C2CD3: variants seen among roughly 807,000 people sequenced by gnomAD.
C2CD3 encodes C2 domain containing 3 centriole elongation regulator.
In C2CD3, 148 loss-of-function variants were observed where a neutral mutation model predicts 234.0. That is an observed-to-expected ratio of 0.63 (90% CI 0.55 to 0.72). The LOEUF (loss-of-function observed/expected upper bound fraction) is 0.72, where lower values mean the gene tolerates loss of function less well. Among genes scored for constraint, C2CD3 ranks in the 30% least tolerant of loss-of-function variants. The pLI, the probability that C2CD3 is intolerant of heterozygous loss-of-function variation, is 0.00. For missense variants in C2CD3, 2,577 were observed against 2,811.5 expected, an observed-to-expected ratio of 0.92 and a Z score of 1.89; for synonymous variants, 1,000 against 1,035.4, an observed-to-expected ratio of 0.97 and a Z score of 0.66.
intron 24 of C2CD3, chr11:74,070,609 G>C (rs956822590): frequency 6.6e-6 from 1 of 151,986 alleles, no homozygotes; most frequent in Non-Finnish European, 1.5e-5. Flanking sequence ...TGCTGCTTTC[G>C]GTATTCTCCA....
Position 74,138,933 on chromosome 11 carries a change from C to T in C2CD3, c.742G>A (p.Asp248Asn). 6.2e-7 allele frequency: 1 copy of T among 1,611,454 alleles called. No individual in the cohort carries two copies. Among genetic ancestry groups the T allele is most frequent in the East Asian group, 2.2e-5 (1 of 44,872 alleles). ...KDHVCFAENP[D>N]TIKDSSFGLQ... ...CCAAAGGAAGAATCCTTTATTGTAT[C>T]AGGGTTCTCTGCAAAGCATACATGG... is the stretch of plus-strand genomic sequence containing the variant. Residue 248 changes from aspartate to asparagine, a missense_variant, in exon 5 of 33, where the codon GAT (aspartate) becomes AAT (asparagine). Physicochemically the swap from Asp to Asn is conservative, Grantham distance 23. Transcript: ENST00000334126.
intron 24 of C2CD3, among the ~76,000 whole-genome samples, chr11:74,069,570 G>T (rs886250825): frequency 1.1e-4 from 17 of 152,144 alleles, no homozygotes; most frequent in African/African-American, 4.1e-4. Flanking sequence ...TCTGAAAATC[G>T]CATAAGATAG....
chr11:74,058,169 T>A (rs1285767258), intron 24 of C2CD3, among the ~76,000 whole-genome samples: 1 of 152,194 alleles, frequency 6.6e-6, no homozygotes, highest in Non-Finnish European at 1.5e-5. Flanking sequence ...TGACCAAATA[T>A]TGGCTCTGCC....
intron 24 of C2CD3, among the ~76,000 whole-genome samples, chr11:74,070,116 T>C (rs1954727963): frequency 6.6e-6 from 1 of 152,214 alleles, no homozygotes; most frequent in South Asian, 2.1e-4. Flanking sequence ...CTGTTCCTTA[T>C]TTGTCTCATT....
intron 32 of C2CD3, among the ~76,000 whole-genome samples, chr11:74,015,593 T>C (rs1046067727): frequency 8.5e-5 from 13 of 152,212 alleles, no homozygotes; most frequent in Admixed American, 8.5e-4. Context: ...GGGAGATGTT[T>C]GTTTTATGAG....
Position 74,033,434 on chromosome 11 carries a change from C to T in C2CD3, c.6726G>A (p.Lys2242=). 1.3e-6 allele frequency: 2 copies of T among 1,536,164 alleles called. No individual in the cohort carries two copies. The highest frequency in any genetic ancestry group is 2.0e-5 in the Admixed American group (1 of 50,996). The change falls in exon 31 of 33, where the codon AAG becomes AAA. Residue 2242 remains lysine, a synonymous_variant. Coordinates refer to ENST00000334126, the MANE Select transcript of C2CD3 (RefSeq NM_001286577.2). The stretch of plus-strand genomic sequence containing the variant: ...TGTCAGAGGAGTCGATGGGTGGTCC[C>T]TTATGGTTTTCCCTTCTGCTCTGGG... ...LASQSRRENH[K]GPPIDSSDIR... is the part of the protein sequence containing the mutation.
intron 24 of C2CD3, among the ~76,000 whole-genome samples, chr11:74,064,677 C>T (rs533246441): frequency 1.3e-5 from 2 of 152,316 alleles, no homozygotes; most frequent in African/African-American, 4.8e-5. Flanking sequence ...AATTATACTA[C>T]AAGGCTGCAG....
At chr11:74,044,802 G>A (rs1953277301) in intron 28 of C2CD3, among the ~76,000 whole-genome samples, 2 of 151,756 alleles carry the variant, frequency 1.3e-5, no homozygotes, top group Admixed American at 6.6e-5. Flanking sequence ...GAGAGAACAT[G>A]TGGTATTTGG....
At chr11:74,066,653 TC>T (rs1954556602) in intron 24 of C2CD3, among the ~76,000 whole-genome samples, 1 of 98,662 alleles carries the variant, frequency 1.0e-5, no homozygotes, top group Non-Finnish European at 2.0e-5. Flanking sequence ...TTAGACCAAT[TC>T]TTTTTTTTTT....
chr11:74,163,317 T>G (rs922083296), intron 2 of C2CD3, among the ~76,000 whole-genome samples: 4 of 152,192 alleles, frequency 2.6e-5, no homozygotes, highest in African/African-American at 4.8e-5. Flanking sequence ...TACAGTCCAG[T>G]GTCTTCCCAC....
At chr11:74,147,360 T>C (rs1229268280) in intron 3 of C2CD3, among the ~76,000 whole-genome samples, 1 of 152,078 alleles carries the variant, frequency 6.6e-6, no homozygotes, top group Non-Finnish European at 1.5e-5. Flanking sequence ...AAGGCTGCAG[T>C]GAGTCATGAT....
chr11:74,126,568 C>G (rs1957420607), intron 7 of C2CD3, among the ~76,000 whole-genome samples: 1 of 152,092 alleles, frequency 6.6e-6, no homozygotes, highest in Non-Finnish European at 1.5e-5. Flanking sequence ...CACGGTGAAA[C>G]CCCATCTCTA....
intron 31 of C2CD3, 58 bp downstream of exon 31, chr11:74,033,293 C>T: frequency 1.4e-6 from 2 of 1,443,138 alleles, no homozygotes; most frequent in East Asian, 2.5e-5. Flanking sequence ...CTCACACTCA[C>T]ACTAGGCTAG....
chr11:74,058,091 G>A (rs1374284193), intron 24 of C2CD3, among the ~76,000 whole-genome samples: 1 of 152,178 alleles, frequency 6.6e-6, no homozygotes, highest in Non-Finnish European at 1.5e-5. Context: ...GTGGGAAGAT[G>A]GAAAATACTG....
chr11:74,079,290 C>T (rs1955221289), intron 22 of C2CD3, among the ~76,000 whole-genome samples: 1 of 152,176 alleles, frequency 6.6e-6, no homozygotes. Context: ...TAACTTTGAA[C>T]TCCTGGGCTC....
At chr11:74,047,776 T>G (rs1953458130) in intron 28 of C2CD3, among the ~76,000 whole-genome samples, 1 of 152,162 alleles carries the variant, frequency 6.6e-6, no homozygotes. Context: ...ACCCTGTCCT[T>G]GTATAGGATG....
chr11:74,104,960 G>T (rs1244978711), intron 13 of C2CD3, among the ~76,000 whole-genome samples: 1 of 152,190 alleles, frequency 6.6e-6, no homozygotes, highest in African/African-American at 2.4e-5. Flanking sequence ...AACTTGGATA[G>T]CAAGAGTAGG....
Position 74,113,795 on chromosome 11 carries a change from T to C in C2CD3, c.1828A>G (p.Lys610Glu). The part of the protein sequence containing the change: ...ITEVVRLASS[K>E]ITDGKVKFQQ... ...TGTCTCTTACTTCCATCTGTAATTT[T>C]ACTGGAGGCGAGTCGAACAACCTCA... The change falls in exon 11 of 33, where the codon AAA becomes GAA. Residue 610 changes from lysine (K) to glutamate (E), a missense_variant. By Grantham distance (56) the Lys-to-Glu change is moderately conservative. Coordinates refer to ENST00000334126, the MANE Select transcript of C2CD3 (RefSeq NM_001286577.2). The C allele has an allele frequency of 6.2e-7, 1 of 1,606,364 alleles. No individual in the cohort carries two copies. Among genetic ancestry groups the C allele is most frequent in the Non-Finnish European group, 8.5e-7 (1 of 1,172,964 alleles).
chr11:74,093,833 C>T lies in C2CD3; in HGVS notation c.3327G>A (p.Gln1109=). 1 of 1,613,836 alleles carries T rather than the reference C, an allele frequency of 6.2e-7. No homozygotes were observed. ...AQGLVPGGGV[Q]FEIWCRYYYP... is the part of the protein sequence containing the mutation. The stretch of plus-strand genomic sequence containing the variant: ...CACTGTACCTGCACCAGATTTCAAA[C>T]TGGACTCCACCTCCAGGCACGAGGC... The change falls in exon 18 of 33, where the codon CAG becomes CAA. Residue 1109 remains glutamine, a synonymous_variant. Transcript: ENST00000334126.
Sources: allele counts gnomAD v4.1 joint callset (sites outside exome capture counted in the v4.1 genomes callset), GRCh38; gene constraint gnomAD v4.1.1; transcripts MANE v1.5; gene names NCBI Gene and HGNC (gene_info 2026-07-23, HGNC 2026-07-21).